PRH1: variants seen among roughly 807,000 people sequenced by gnomAD.
The protein encoded by PRH1 is proline rich protein HaeIII subfamily 1.
Under a neutral mutation model 7.9 loss-of-function variants are expected in PRH1, and 7 were observed. That is an observed-to-expected ratio of 0.89 (90% confidence interval 0.50 to 1.67). PRH1 has a LOEUF of 1.67. Ranked by LOEUF, PRH1 falls within the 40% of genes most tolerant of loss-of-function variation. The probability of loss-of-function intolerance (pLI) is 0.00; values close to 1 mark genes in which losing one functional copy is unlikely to be tolerated. For missense variants in PRH1, 109 were observed against 223.6 expected (o/e 0.49, Z 3.27); for synonymous variants, 45 against 80.8 (o/e 0.56, Z 2.38).
chr12:11,003,142 T>G (rs1001701134), intron 1 of PRH1, among the ~76,000 whole-genome samples: 7 of 151,998 alleles, frequency 4.6e-5, no homozygotes, highest in African/African-American at 1.7e-4. Context: ...TTTAAATTAA[T>G]TTTTAAAAGT....
At chr12:11,143,816 C>T (rs1163263235) in intron 1 of PRH1, among the ~76,000 whole-genome samples, 1 of 152,056 alleles carries the variant, frequency 6.6e-6, no homozygotes, top group African/African-American at 2.4e-5. Context: ...ACTGGAGCTC[C>T]CACGTATATA....
chr12:10,936,450 T>C (rs1312895471), intron 2 of PRH1, among the ~76,000 whole-genome samples: 1 of 152,100 alleles, frequency 6.6e-6, no homozygotes, highest in Non-Finnish European at 1.5e-5. Context: ...AAGTGTACAA[T>C]TTCATGAGTG....
intron 1 of PRH1, among the ~76,000 whole-genome samples, chr12:11,059,377 G>A (rs1565605410): frequency 6.6e-6 from 1 of 152,058 alleles, no homozygotes; most frequent in Non-Finnish European, 1.5e-5. Flanking sequence ...TGCCATTTTT[G>A]TCTTGAACTT....
chr12:11,044,764 T>C (rs1341162977), intron 1 of PRH1, among the ~76,000 whole-genome samples: 1 of 152,088 alleles, frequency 6.6e-6, no homozygotes, highest in African/African-American at 2.4e-5. Context: ...ATAGATATCA[T>C]CTCAACCCCG....
intron 2 of PRH1, among the ~76,000 whole-genome samples, chr12:10,944,714 T>C (rs1016532574): frequency 4.6e-5 from 7 of 152,202 alleles, no homozygotes; most frequent in Non-Finnish European, 5.9e-5. Flanking sequence ...ATGGCTCTTA[T>C]TATTTTTAGT....
intron 1 of PRH1, among the ~76,000 whole-genome samples, chr12:11,169,724 T>A (rs1947756337): frequency 6.6e-6 from 1 of 152,192 alleles, no homozygotes. Flanking sequence ...AAACTATATA[T>A]CTTCTCCCAG....
At chr12:11,031,444 T>G (rs1942212743) in intron 1 of PRH1, 1 of 1,171,588 alleles carries the variant, frequency 8.5e-7, no homozygotes, top group Non-Finnish European at 1.2e-6. Flanking sequence ...CCACCGACCT[T>G]CACGGTGAGT....
At chr12:11,017,962 C>A (rs1941382326) in intron 1 of PRH1, among the ~76,000 whole-genome samples, 2 of 152,168 alleles carry the variant, frequency 1.3e-5, no homozygotes, top group Admixed American at 1.3e-4. Flanking sequence ...AGTTAACCTA[C>A]CTAGCCTCTG....
At chr12:11,077,822 T>C in intron 1 of PRH1, 2 of 1,074,732 alleles carry the variant, frequency 1.9e-6, no homozygotes, top group South Asian at 2.4e-5. Flanking sequence ...AGATTACAAA[T>C]CAAAAATACC....
intron 1 of PRH1, chr12:11,097,135 T>C: frequency 5.8e-6 from 1 of 173,902 alleles, no homozygotes; most frequent in Non-Finnish European, 1.3e-5. Context: ...AATTTCTTAG[T>C]TTATAACAAT....
At chr12:10,963,207 TGTAG>T (rs1227352822) in intron 2 of PRH1, among the ~76,000 whole-genome samples, 1 of 152,224 alleles carries the variant, frequency 6.6e-6, no homozygotes, top group African/African-American at 2.4e-5. Context: ...TGATACAGTC[TGTAG>T]AATTTACTTG....
intron 1 of PRH1, among the ~76,000 whole-genome samples, chr12:11,074,528 G>A (rs1944219082): frequency 7.5e-6 from 1 of 132,872 alleles, no homozygotes; most frequent in Admixed American, 7.6e-5. Context: ...GGAGCACATA[G>A]TTAGATGAAC....
intron 2 of PRH1, chr12:10,909,206 G>A (rs1949857721): frequency 6.2e-7 from 1 of 1,613,400 alleles, no homozygotes; most frequent in Non-Finnish European, 8.5e-7. Context: ...AGTCAATGCA[G>A]TTGATCAGTA....
intron 1 of PRH1, among the ~76,000 whole-genome samples, chr12:11,164,321 CTGCCCTTGGACA>C (rs1387296622): frequency 4.6e-5 from 7 of 152,214 alleles, no homozygotes; most frequent in Non-Finnish European, 1.0e-4. Flanking sequence ...CCATCTCCTC[CTGCCCTTGGACA>C]TCAGAGCCCC....
At chr12:11,142,411 A>G (rs1946726159) in intron 1 of PRH1, among the ~76,000 whole-genome samples, 1 of 152,192 alleles carries the variant, frequency 6.6e-6, no homozygotes, top group Non-Finnish European at 1.5e-5. Flanking sequence ...AAAATAAGAA[A>G]TTTGGAGGAT....
rs114604016 is a variant in PRH1, at chr12:10,980,231, T to C, written c.-125-6510A>G. Among the ~76,000 whole-genome samples the C allele has an allele frequency of 3.1e-3, 472 of 152,286 alleles. 3 individuals are homozygous for C. Among genetic ancestry groups the C allele is most frequent in the African/African-American group, 9.4e-3 (389 of 41,562 alleles). On this transcript the variant is annotated intron_variant, in intron 1 of 3. Transcript: ENST00000539853. ...TGGAGCAAAAACTTAAGAACTATGA[T>C]TACTGCGATACTGAGACACTAACTG... is the stretch of plus-strand genomic sequence containing the variant.
intron 1 of PRH1, among the ~76,000 whole-genome samples, chr12:10,976,835 G>A (rs1939124652): frequency 1.3e-5 from 2 of 151,756 alleles, no homozygotes; most frequent in East Asian, 1.9e-4. Flanking sequence ...ATAAATTCCC[G>A]GGCATATACA....
chr12:11,115,145 G>T (rs535317650), intron 1 of PRH1, among the ~76,000 whole-genome samples: 1 of 152,090 alleles, frequency 6.6e-6, no homozygotes, highest in Non-Finnish European at 1.5e-5. Context: ...ACACCAATCT[G>T]TTGCCTCTAA....
intron 1 of PRH1, among the ~76,000 whole-genome samples, chr12:11,096,281 G>A (rs1489174662): frequency 8.7e-6 from 1 of 115,054 alleles, no homozygotes; most frequent in African/African-American, 2.9e-5. Flanking sequence ...TTCATTCTGG[G>A]TAGTTATCTT....
Sources: gnomAD v4.1 joint callset for allele counts (sites outside exome capture counted in the v4.1 genomes callset) on GRCh38, gnomAD v4.1.1 for gene constraint, MANE v1.5 for transcripts, NCBI Gene and HGNC (gene_info 2026-07-23, HGNC 2026-07-21) for gene names.